Variants in CAPRIN1 observed in about 807,000 individuals in gnomAD.
CAPRIN1 encodes cell cycle associated protein 1, also known as caprin-1.
Under a neutral mutation model 100.9 loss-of-function variants are expected in CAPRIN1, and 29 were observed. That is an observed-to-expected ratio of 0.29 (90% confidence interval 0.21 to 0.39). The LOEUF is 0.39. CAPRIN1 is among the 10% of genes least tolerant of loss of function. The probability of loss-of-function intolerance (pLI) is 1.00; values close to 1 mark genes in which losing one functional copy is unlikely to be tolerated. For missense variants in CAPRIN1, 795 were observed against 876.7 expected, an observed-to-expected ratio of 0.91 and a Z score of 1.18; for synonymous variants, 338 against 307.5, an observed-to-expected ratio of 1.10 and a Z score of -1.04.
chr11:34,088,038 G>A (rs958676224), intron 11 of CAPRIN1, among the ~76,000 whole-genome samples: 6 of 152,072 alleles, frequency 3.9e-5, no homozygotes, highest in South Asian at 4.2e-4. Flanking sequence ...TCGCTCTATC[G>A]CCAGGCTGGA....
intron 18 of CAPRIN1, 35 bp from the exon 19 acceptor site, chr11:34,099,268 T>C (rs987138227): frequency 6.2e-7 from 1 of 1,610,086 alleles, no homozygotes; most frequent in African/African-American, 1.3e-5. Context: ...AAATAATATT[T>C]GAAAGAAAAA....
chr11:34,079,865 C>A, intron 7 of CAPRIN1, 100 bp downstream of exon 7: 5 of 957,598 alleles, frequency 5.2e-6, no homozygotes, highest in Non-Finnish European at 7.4e-6. Flanking sequence ...CATATATGTA[C>A]ACTAGATTTT....
At chr11:34,090,141 A>T (rs1851234129) in intron 12 of CAPRIN1, 38 bp from the exon 13 acceptor site, 1 of 1,345,342 alleles carries the variant, frequency 7.4e-7, no homozygotes, top group Non-Finnish European at 1.1e-6. Flanking sequence ...TCAATTTTGT[A>T]AGCAGGAAGA....
At chr11:34,085,579 GGGTCACAA>G (rs1270290102) in intron 9 of CAPRIN1, among the ~76,000 whole-genome samples, 4 of 152,178 alleles carry the variant, frequency 2.6e-5, no homozygotes, top group African/African-American at 9.7e-5. Flanking sequence ...CAAGGCGGGT[GGGTCACAA>G]GGTCAGGAGT....
At chr11:34,069,652 A>C (rs1850771680) in intron 2 of CAPRIN1, among the ~76,000 whole-genome samples, 1 of 149,504 alleles carries the variant, frequency 6.7e-6, no homozygotes, top group African/African-American at 2.5e-5. Context: ...TATCAGTGTA[A>C]AAAAAAATTT....
At position 34,086,428 on chromosome 11, in the gene CAPRIN1, A is replaced by G; in HGVS notation, c.1231+15A>G. On this transcript the variant is annotated intron_variant, in intron 11 of 18. Transcript: ENST00000341394. ...TTGCCCTCCAGGTTAGTAGTGGTAC[A>G]TTTTTATGTGAGAGAGAAATATAAG... 6.9e-7 allele frequency: 1 copy of G among 1,444,822 alleles called. No homozygotes were observed. The highest frequency in any genetic ancestry group is 9.6e-7 in the Non-Finnish European group (1 of 1,042,616). The allele number at this position is 1,444,822 out of a possible 1,614,324, so 89.5% of individuals were successfully genotyped here.
intron 2 of CAPRIN1, among the ~76,000 whole-genome samples, chr11:34,060,216 AAAG>A (rs1422708864): frequency 1.3e-5 from 2 of 151,448 alleles, no homozygotes; most frequent in African/African-American, 4.8e-5. Context: ...AAAAAAAAAA[AAAG>A]CTGGGTAGCA....
At chr11:34,072,785 A>G (rs1414974115) in intron 4 of CAPRIN1, among the ~76,000 whole-genome samples, 3 of 152,350 alleles carry the variant, frequency 2.0e-5, no homozygotes, top group East Asian at 3.9e-4. Flanking sequence ...AAATACAGGC[A>G]TGTACTCCAT....
intron 1 of CAPRIN1, 197 bp from the exon 2 acceptor site, chr11:34,052,224 C>A (rs1391796648): frequency 5.3e-6 from 1 of 187,194 alleles, no homozygotes; most frequent in African/African-American, 2.8e-5. Context: ...GAGGCCCAGC[C>A]GGGCGCCCCG....
intron 2 of CAPRIN1, among the ~76,000 whole-genome samples, chr11:34,068,819 C>T (rs1459014211): frequency 1.3e-5 from 2 of 152,118 alleles, no homozygotes; most frequent in Admixed American, 6.6e-5. Context: ...TTATTTTCAT[C>T]GCTACACAAA....
intron 18 of CAPRIN1, 43 bp from the exon 19 acceptor site, chr11:34,099,260 A>G (rs1851417674): frequency 3.1e-6 from 5 of 1,607,148 alleles, no homozygotes; most frequent in Non-Finnish European, 4.3e-6. Context: ...GGCAAAACAA[A>G]TAATATTTGA....
intron 6 of CAPRIN1, among the ~76,000 whole-genome samples, chr11:34,076,922 A>G (rs1194432038): frequency 6.6e-6 from 1 of 151,998 alleles, no homozygotes; most frequent in Non-Finnish European, 1.5e-5. Context: ...TTTAGTAGAG[A>G]CAGGGTTTCG....
At position 34,086,292 on chromosome 11, in the gene CAPRIN1, A is replaced by G; in HGVS notation, c.1123-13A>G. 6.2e-7 allele frequency: 1 copy of G among 1,608,772 alleles called. No homozygotes were observed. The highest frequency in any genetic ancestry group is 8.5e-7 in the Non-Finnish European group (1 of 1,175,486). Reference sequence around the variant, plus strand: ...TATTATTTGACTTTATTCTATCCTAACTTAACCTGTAGGATTCAATGCTGG... The same window carrying G: ...TATTATTTGACTTTATTCTATCCTAGCTTAACCTGTAGGATTCAATGCTGG... On this transcript the variant is annotated splice_polypyrimidine_tract_variant and intron_variant, in intron 10 of 18. Coordinates refer to ENST00000341394, the MANE Select transcript of CAPRIN1 (RefSeq NM_005898.5).
At chr11:34,064,606 T>C (rs1850649274) in intron 2 of CAPRIN1, among the ~76,000 whole-genome samples, 1 of 152,224 alleles carries the variant, frequency 6.6e-6, no homozygotes, top group East Asian at 1.9e-4. Flanking sequence ...AAGTAAAAAA[T>C]TAGACCAATT....
chr11:34,070,559 T>C (rs1191008462), intron 2 of CAPRIN1, among the ~76,000 whole-genome samples: 1 of 152,066 alleles, frequency 6.6e-6, no homozygotes, highest in Non-Finnish European at 1.5e-5. Context: ...CATACCCAGC[T>C]AATTTTTGTG....
At chr11:34,088,467 C>T (rs375318789) in intron 11 of CAPRIN1, among the ~76,000 whole-genome samples, 39 of 151,758 alleles carry the variant, frequency 2.6e-4, no homozygotes, top group African/African-American at 8.5e-4. Context: ...TTGAGACCAG[C>T]CTGAGCAACA....
At chr11:34,064,161 T>G (rs1446250105) in intron 2 of CAPRIN1, among the ~76,000 whole-genome samples, 1 of 152,210 alleles carries the variant, frequency 6.6e-6, no homozygotes, top group Non-Finnish European at 1.5e-5. Context: ...GCTGACCAAT[T>G]TATTGTTACC....
chr11:34,077,155 T>C (rs540502332), intron 6 of CAPRIN1, among the ~76,000 whole-genome samples: 1 of 152,368 alleles, frequency 6.6e-6, no homozygotes, highest in African/African-American at 2.4e-5. Flanking sequence ...TAATCTGTAA[T>C]GTGGAAATCA....
intron 17 of CAPRIN1, 120 bp downstream of exon 17, chr11:34,097,416 A>C: frequency 1.2e-6 from 1 of 831,852 alleles, no homozygotes; most frequent in South Asian, 1.6e-5. Flanking sequence ...TGTCCAAGAC[A>C]CTCTGTTGAA....
Sources: allele counts gnomAD v4.1 joint callset (sites outside exome capture counted in the v4.1 genomes callset), GRCh38; gene constraint gnomAD v4.1.1; transcripts MANE v1.5; gene names NCBI Gene and HGNC (gene_info 2026-07-23, HGNC 2026-07-21).